Variants in TMCC1 observed in about 807,000 individuals in gnomAD.
TMCC1 encodes transmembrane and coiled-coil domains protein 1.
Under a neutral mutation model 52.4 loss-of-function variants are expected in TMCC1, and 15 were observed. That is an observed-to-expected ratio of 0.29 (90% CI 0.19 to 0.44). The LOEUF is 0.44. TMCC1 is among the 20% of genes least tolerant of loss of function. The pLI is 1.00. For missense variants in TMCC1, 503 were observed against 806.0 expected (o/e 0.62, Z 4.55); for synonymous variants, 279 against 301.9 (o/e 0.92, Z 0.79).
At chr3:129,728,538 C>A (rs1439499588) in intron 4 of TMCC1, among the ~76,000 whole-genome samples, 1 of 152,158 alleles carries the variant, frequency 6.6e-6, no homozygotes, top group Non-Finnish European at 1.5e-5. Flanking sequence ...CCCATCTCGG[C>A]CTCCCAAAGC....
intron 4 of TMCC1, among the ~76,000 whole-genome samples, chr3:129,745,172 G>C (rs190023221): frequency 6.6e-6 from 1 of 152,254 alleles, no homozygotes; most frequent in East Asian, 1.9e-4. Context: ...TATCTACTAG[G>C]AAGATTTTTA....
rs778066141 is a variant in TMCC1 at position 129,692,831 on chromosome 3, CA to C, written c.577-21568del. On this transcript the variant is annotated intron_variant, in intron 4 of 6. Transcript: ENST00000393238. ...ACAGTTTGTTAAAGAATGTAAAAGACAAATCATTTATTTATTTATTTATTTA... is the reference window on the plus strand; with the variant it reads ...ACAGTTTGTTAAAGAATGTAAAAGACAATCATTTATTTATTTATTTATTTA... Among the ~76,000 whole-genome samples the C allele has an allele frequency of 4.6e-5, 7 of 152,192 alleles. No individual in the cohort carries two copies. In the East Asian group the frequency reaches 1.4e-3, roughly 29 times the overall value.
intron 4 of TMCC1, among the ~76,000 whole-genome samples, chr3:129,690,100 CA>C (rs2046913951): frequency 6.6e-6 from 1 of 152,190 alleles, no homozygotes; most frequent in African/African-American, 2.4e-5. Flanking sequence ...GAAGACCAAA[CA>C]AACCGCTATT....
At chr3:129,812,985 T>C (rs180808050) in intron 4 of TMCC1, among the ~76,000 whole-genome samples, 4 of 152,262 alleles carry the variant, frequency 2.6e-5, no homozygotes, top group Admixed American at 1.3e-4. Flanking sequence ...ACAACCCTCA[T>C]TAAAAAGTGG....
intron 4 of TMCC1, among the ~76,000 whole-genome samples, chr3:129,806,597 A>G (rs1043427944): frequency 6.6e-6 from 1 of 152,236 alleles, no homozygotes; most frequent in Non-Finnish European, 1.5e-5. Context: ...GAAGGAAGCC[A>G]TGGTTAACCA....
chr3:129,777,492 A>C (rs1464037832), intron 4 of TMCC1, among the ~76,000 whole-genome samples: 1 of 152,220 alleles, frequency 6.6e-6, no homozygotes, highest in Non-Finnish European at 1.5e-5. Flanking sequence ...CAAAGGCACA[A>C]AAGCATTTAA....
intron 4 of TMCC1, among the ~76,000 whole-genome samples, chr3:129,813,412 T>C (rs904318547): frequency 6.6e-6 from 1 of 152,100 alleles, no homozygotes; most frequent in Non-Finnish European, 1.5e-5. Context: ...TCATCCTAAA[T>C]GCCCATCAAT....
intron 1 of TMCC1, among the ~76,000 whole-genome samples, chr3:129,884,006 G>C (rs150261305): frequency 1.3e-5 from 2 of 152,068 alleles, no homozygotes; most frequent in Non-Finnish European, 2.9e-5. Flanking sequence ...CCAGAAGATG[G>C]TGAAACAGCA....
chr3:129,744,771 C>A (rs1471527576), intron 4 of TMCC1, among the ~76,000 whole-genome samples: 1 of 152,104 alleles, frequency 6.6e-6, no homozygotes, highest in South Asian at 2.1e-4. Context: ...ATAATTACTA[C>A]CACCCTTCAC....
intron 2 of TMCC1, among the ~76,000 whole-genome samples, chr3:129,835,836 C>G (rs150980666): frequency 1.9e-3 from 290 of 151,988 alleles, no homozygotes; most frequent in Middle Eastern, 3.4e-3. Context: ...TTAAAATACT[C>G]AAATCCAAAA....
intron 2 of TMCC1, among the ~76,000 whole-genome samples, chr3:129,854,318 G>A (rs1325238085): frequency 6.6e-6 from 1 of 151,636 alleles, no homozygotes. Context: ...CTCAAACCTG[G>A]GAGGCGGAAG....
At chr3:129,853,186 A>G (rs1212205572) in intron 2 of TMCC1, among the ~76,000 whole-genome samples, 2 of 151,524 alleles carry the variant, frequency 1.3e-5, no homozygotes, top group Non-Finnish European at 2.9e-5. Context: ...GTTGCTCAAA[A>G]AAGAAAAGAA....
intron 4 of TMCC1, among the ~76,000 whole-genome samples, chr3:129,770,455 G>A (rs72985355): frequency 2.0e-5 from 3 of 152,294 alleles, no homozygotes; most frequent in African/African-American, 7.2e-5. Flanking sequence ...GGTAGAGGTT[G>A]CAGTCCCAGT....
At chr3:129,768,616 CT>C (rs932336885) in intron 4 of TMCC1, among the ~76,000 whole-genome samples, 11 of 152,284 alleles carry the variant, frequency 7.2e-5, no homozygotes, top group South Asian at 2.1e-4. Context: ...AAACATGGAT[CT>C]GGTTTAGGAC....
At chr3:129,868,007 A>C (rs59528590) in intron 2 of TMCC1, among the ~76,000 whole-genome samples, 3 of 152,342 alleles carry the variant, frequency 2.0e-5, no homozygotes, top group African/African-American at 7.2e-5. Flanking sequence ...TTGTACATCA[A>C]GATACTTCCC....
chr3:129,776,050 AC>A (rs1163036372), intron 4 of TMCC1, among the ~76,000 whole-genome samples: 1 of 152,200 alleles, frequency 6.6e-6, no homozygotes, highest in African/African-American at 2.4e-5. Flanking sequence ...GCACTAAGGA[AC>A]TGCCCCACTT....
chr3:129,885,292 T>G (rs1317856947), intron 1 of TMCC1, among the ~76,000 whole-genome samples: 4 of 152,048 alleles, frequency 2.6e-5, no homozygotes, highest in African/African-American at 9.7e-5. Context: ...GAAAATGAAT[T>G]TGTCAAAGCA....
chr3:129,738,176 C>G (rs568546719), intron 4 of TMCC1, among the ~76,000 whole-genome samples: 151 of 147,044 alleles, frequency 1.0e-3, no homozygotes, highest in African/African-American at 3.5e-3. Context: ...GAAGCTGAGG[C>G]AGGGTAATCA....
At chr3:129,892,106 A>G (rs892953945) in intron 1 of TMCC1, among the ~76,000 whole-genome samples, 6 of 152,230 alleles carry the variant, frequency 3.9e-5, no homozygotes, top group African/African-American at 1.4e-4. Context: ...CAGCACCTAC[A>G]CCATACCAAA....
Sources: gnomAD v4.1 joint callset for allele counts (sites outside exome capture counted in the v4.1 genomes callset) on GRCh38, gnomAD v4.1.1 for gene constraint, MANE v1.5 for transcripts, NCBI Gene and HGNC (gene_info 2026-07-23, HGNC 2026-07-21) for gene names.